NFIA: variants seen among roughly 807,000 people sequenced by gnomAD.
The protein encoded by NFIA is nuclear factor 1 A-type.
A neutral mutation model predicts 62.8 loss-of-function variants in NFIA; 8 were observed. The observed-to-expected ratio is 0.13, with a 90% CI of 0.07 to 0.23. The LOEUF (loss-of-function observed/expected upper bound fraction) is 0.23, where lower values mean the gene tolerates loss of function less well. Ranked by LOEUF, NFIA falls within the 10% of genes least tolerant of loss-of-function variation. The pLI is 1.00. For synonymous variants in NFIA, 235 were observed against 238.1 expected, an observed-to-expected ratio of 0.99 and a Z score of 0.12; for missense variants, 410 against 642.1, an observed-to-expected ratio of 0.64 and a Z score of 3.91.
chr1:61,351,788 C>T (rs904980775), intron 4 of NFIA, among the ~76,000 whole-genome samples: 58 of 152,278 alleles, frequency 3.8e-4, no homozygotes, highest in African/African-American at 1.2e-3. Context: ...GCCATATGGT[C>T]TCTGTTGCAG....
At chr1:61,359,400 C>T (rs115327520) in intron 6 of NFIA, 126 bp downstream of exon 6, 176 of 1,363,310 alleles carry the variant, frequency 1.3e-4, no homozygotes, top group Admixed American at 2.0e-4. Context: ...AGGATGAGCA[C>T]TTGTTTGTAT....
intron 2 of NFIA, among the ~76,000 whole-genome samples, chr1:61,162,367 T>C (rs2100537738): frequency 6.6e-6 from 1 of 152,312 alleles, no homozygotes; most frequent in African/African-American, 2.4e-5. Context: ...TGGGGGAAAC[T>C]GTGCACGTAG....
At chr1:61,370,402 T>G (rs1280670648) in intron 6 of NFIA, among the ~76,000 whole-genome samples, 1 of 152,236 alleles carries the variant, frequency 6.6e-6, no homozygotes, top group East Asian at 1.9e-4. Context: ...AAGAGGGCTG[T>G]CTCCAGCACT....
chr1:61,222,618 C>CGG, intron 2 of NFIA, among the ~76,000 whole-genome samples: 1 of 152,072 alleles, frequency 6.6e-6, no homozygotes, highest in East Asian at 1.9e-4. Flanking sequence ...GTCAGTACCA[C>CGG]ATCTGGTAAA....
intron 3 of NFIA, among the ~76,000 whole-genome samples, chr1:61,314,998 C>T (rs1339451978): frequency 1.3e-5 from 2 of 152,032 alleles, no homozygotes; most frequent in Non-Finnish European, 2.9e-5. Flanking sequence ...ATAAATCAGG[C>T]TGTAGAGAAA....
chr1:61,337,414 A>G (rs567438554), intron 4 of NFIA, among the ~76,000 whole-genome samples: 10 of 152,144 alleles, frequency 6.6e-5, no homozygotes, highest in East Asian at 3.9e-4. Flanking sequence ...ATAAAAATCT[A>G]TATTTGTTCT....
chr1:61,179,147 G>C (rs1363937700), intron 2 of NFIA, among the ~76,000 whole-genome samples: 9 of 152,236 alleles, frequency 5.9e-5, no homozygotes. Flanking sequence ...CCAGCTCCAG[G>C]TGACCTCCAC....
rs1179803235 is a variant in NFIA at position 61,383,217 on chromosome 1, C to G, written c.947-20C>G. 2 of 1,613,548 alleles carry G rather than the reference C, an allele frequency of 1.2e-6. No homozygotes were observed. The highest frequency in any genetic ancestry group is 8.5e-7 in the Non-Finnish European group (1 of 1,179,682). ...GTTCCATGAATTAAAGTGTACTTACCAGTTGATCCTTCTTGCCAGGAATGC... is the reference window on the plus strand; with the variant it reads ...GTTCCATGAATTAAAGTGTACTTACGAGTTGATCCTTCTTGCCAGGAATGC... On this transcript the variant is annotated intron_variant, in intron 6 of 10. Transcript: ENST00000403491.
intron 3 of NFIA, among the ~76,000 whole-genome samples, 158 bp downstream of exon 3, chr1:61,277,743 C>T (rs1479667547): frequency 6.6e-6 from 1 of 152,128 alleles, no homozygotes; most frequent in Non-Finnish European, 1.5e-5. Flanking sequence ...TTTAATAGGG[C>T]AGCTTCTTGT....
chr1:61,333,726 G>A (rs920323223), intron 4 of NFIA, among the ~76,000 whole-genome samples: 2 of 152,166 alleles, frequency 1.3e-5, no homozygotes, highest in African/African-American at 2.4e-5. Flanking sequence ...GGCCAGGCAC[G>A]GTGGCTCACG....
At chr1:61,266,700 T>C (rs6675918) in intron 2 of NFIA, among the ~76,000 whole-genome samples, 21,262 of 152,224 alleles carry the variant, frequency 0.14, 2,162 homozygotes, top group African/African-American at 0.27. Context: ...GTACCTGGCC[T>C]GAAAGAGCTA....
intron 4 of NFIA, among the ~76,000 whole-genome samples, chr1:61,349,861 G>A (rs1159108490): frequency 6.6e-6 from 1 of 152,072 alleles, no homozygotes; most frequent in Non-Finnish European, 1.5e-5. Context: ...CCAAAGTGCT[G>A]TGATTATAGG....
At chr1:61,411,843 T>A (rs1452186515) in intron 9 of NFIA, among the ~76,000 whole-genome samples, 1 of 149,704 alleles carries the variant, frequency 6.7e-6, no homozygotes, top group East Asian at 2.0e-4. Flanking sequence ...GAGGAGAGGT[T>A]TCCAAGCAGA....
At chr1:61,237,608 C>G (rs1011136194) in intron 2 of NFIA, among the ~76,000 whole-genome samples, 2 of 152,122 alleles carry the variant, frequency 1.3e-5, no homozygotes, top group Admixed American at 1.3e-4. Flanking sequence ...GAGATAAGCC[C>G]TTTTGTTTCT....
At chr1:61,293,871 A>G (rs1256478236) in intron 3 of NFIA, among the ~76,000 whole-genome samples, 1 of 152,232 alleles carries the variant, frequency 6.6e-6, no homozygotes, top group Non-Finnish European at 1.5e-5. Context: ...TAATGTGCTC[A>G]AAGCTCAAAC....
At chr1:61,183,343 A>G (rs914934748) in intron 2 of NFIA, among the ~76,000 whole-genome samples, 32 of 152,306 alleles carry the variant, frequency 2.1e-4, no homozygotes, top group African/African-American at 7.5e-4. Flanking sequence ...TTATCTAGGT[A>G]GTTTCAAGGA....
intron 2 of NFIA, among the ~76,000 whole-genome samples, chr1:61,138,823 C>T (rs1425698483): frequency 6.6e-6 from 1 of 151,246 alleles, no homozygotes; most frequent in Non-Finnish European, 1.5e-5. Context: ...CTCAAGTCGT[C>T]CGCCCACCTC....
intron 6 of NFIA, among the ~76,000 whole-genome samples, chr1:61,374,695 C>A (rs1664062540): frequency 6.6e-6 from 1 of 152,124 alleles, no homozygotes; most frequent in African/African-American, 2.4e-5. Context: ...TGTCCCCAAG[C>A]CATTTAAATT....
chr1:61,404,213 G>T lies in NFIA; in HGVS notation c.1185G>T (p.Thr395=). The T allele has an allele frequency of 6.2e-7, 1 of 1,614,176 alleles. No individual in the cohort carries two copies. The highest frequency in any genetic ancestry group is 8.5e-7 in the Non-Finnish European group (1 of 1,180,034). ...CCATCCGCTATCACCCTCAGGAGAC[G>T]CTGAAAGAATTTGTCCAACTTGTCT... is the stretch of plus-strand genomic sequence containing the variant. ...HPAIRYHPQE[T]LKEFVQLVCP... Residue 395 remains threonine (T), a synonymous_variant, in exon 8 of 11, where the codon ACG becomes ACT. Coordinates refer to ENST00000403491, the MANE Select transcript of NFIA (RefSeq NM_001134673.4).
Sources: gnomAD v4.1 joint callset for allele counts (sites outside exome capture counted in the v4.1 genomes callset) on GRCh38, gnomAD v4.1.1 for gene constraint, MANE v1.5 for transcripts, NCBI Gene and HGNC (gene_info 2026-07-23, HGNC 2026-07-21) for gene names.